Variants in PTPRN2 observed in about 807,000 individuals in gnomAD.
PTPRN2 encodes the protein protein tyrosine phosphatase receptor type N2.
PTPRN2 carries 74 observed loss-of-function variants against 118.8 expected under a neutral mutation model. The ratio of observed to expected loss-of-function variants is 0.62; its 90% confidence interval spans 0.52 to 0.76. The LOEUF is 0.76. PTPRN2 is among the 30% of genes least tolerant of loss of function. The probability of loss-of-function intolerance (pLI) is 0.00; values close to 1 mark genes in which losing one functional copy is unlikely to be tolerated. For missense variants in PTPRN2, 1,481 were observed against 1,394.4 expected, an observed-to-expected ratio of 1.06 and a Z score of -0.99; for synonymous variants, 641 against 608.0, an observed-to-expected ratio of 1.05 and a Z score of -0.80.
At chr7:157,755,471 T>G (rs1306314495) in intron 12 of PTPRN2, among the ~76,000 whole-genome samples, 1 of 151,044 alleles carries the variant, frequency 6.6e-6, no homozygotes, top group East Asian at 1.9e-4. Flanking sequence ...CACGGGGGGG[T>G]TTGAGAAGTT....
rs958548586 is a variant in PTPRN2 at position 158,563,684 on chromosome 7, G to A, written c.112+23874C>T. Reference sequence around the variant, plus strand: ...CTGCAGAGACTCACAGGCATGTGGCGTGGCAGTACATGAGCACTGATGTGT... The same window carrying A: ...CTGCAGAGACTCACAGGCATGTGGCATGGCAGTACATGAGCACTGATGTGT... On this transcript the variant is annotated intron_variant, in intron 1 of 22. Transcript: ENST00000389418. The surrounding 1 kb of genome is among the most constrained non-coding windows in gnomAD (Gnocchi z 5.1). Among the ~76,000 whole-genome samples, 5 of 152,362 alleles carry A rather than the reference G, an allele frequency of 3.3e-5. No homozygotes were observed. Among genetic ancestry groups the A allele is most frequent in the African/African-American group, 9.6e-5 (4 of 41,584 alleles).
At chr7:158,550,154 G>T (rs927086842) in intron 1 of PTPRN2, among the ~76,000 whole-genome samples, 30 of 152,214 alleles carry the variant, frequency 2.0e-4, no homozygotes. Context: ...CAGGCGTCGG[G>T]GTGGAGATTG....
At chr7:157,772,219 A>T (rs960277226) in intron 12 of PTPRN2, among the ~76,000 whole-genome samples, 1 of 151,866 alleles carries the variant, frequency 6.6e-6, no homozygotes, top group East Asian at 1.9e-4. Flanking sequence ...ACACACATAG[A>T]CACAGACACA....
intron 12 of PTPRN2, among the ~76,000 whole-genome samples, chr7:157,730,298 A>T (rs1341817741): frequency 6.6e-6 from 1 of 152,162 alleles, no homozygotes; most frequent in Non-Finnish European, 1.5e-5. Flanking sequence ...CTTCTACGCC[A>T]GACAAAGTAA....
intron 12 of PTPRN2, among the ~76,000 whole-genome samples, chr7:157,726,488 G>A (rs973821614): frequency 5.3e-5 from 8 of 152,260 alleles, no homozygotes; most frequent in East Asian, 1.9e-4. Context: ...GACTCACAGC[G>A]AATAGCAGAG....
At chr7:157,620,130 TGTGA>T (rs980119884) in intron 15 of PTPRN2, among the ~76,000 whole-genome samples, 18 of 152,216 alleles carry the variant, frequency 1.2e-4, no homozygotes, top group Non-Finnish European at 1.3e-4. Flanking sequence ...CACTCAACGT[TGTGA>T]GTATCTACTT....
Position 158,460,438 on chromosome 7 carries a change from T to C in PTPRN2, c.163+29297A>G, listed in dbSNP as rs552851451. On this transcript the variant is annotated intron_variant, in intron 2 of 22. Coordinates refer to ENST00000389418, the MANE Select transcript of PTPRN2 (RefSeq NM_002847.5). ...CATCCAGCTACAGGATGGGACTCTATCTACAAGTTCCTGCTAGAGGGTCTG... is the reference window on the plus strand; with the variant it reads ...CATCCAGCTACAGGATGGGACTCTACCTACAAGTTCCTGCTAGAGGGTCTG... Among the ~76,000 whole-genome samples, 137 of 150,152 alleles carry C rather than the reference T, an allele frequency of 9.1e-4. 1 individual carries two copies. Among genetic ancestry groups the C allele is most frequent in the Admixed American group, 4.9e-3 (74 of 15,132 alleles).
chr7:157,696,950 T>C (rs1159636654), intron 12 of PTPRN2, among the ~76,000 whole-genome samples: 1 of 114,392 alleles, frequency 8.7e-6, no homozygotes, highest in African/African-American at 3.3e-5. Context: ...GCATACTGGG[T>C]CTTGGCAGAG....
rs1563245333 is a variant in PTPRN2, at chr7:157,595,510, C to CGGAGGTTTGGAAGCCA, written c.2419-196_2419-195insTGGCTTCCAAACCTCC. 6.5e-4 allele frequency among the ~76,000 whole-genome samples: 70 copies of CGGAGGTTTGGAAGCCA among 107,622 alleles called. 2 individuals carry two copies. Among genetic ancestry groups the CGGAGGTTTGGAAGCCA allele is most frequent in the African/African-American group, 3.1e-3 (68 of 22,260 alleles). 70.6% of individuals were successfully genotyped at this position (107,622 alleles called of 152,430 possible). ...TAGGAAGCCTGGTGTTTAGGAAGCC[C>CGGAGGTTTGGAAGCCA]GGAGGTTAGGAAGCCAGAAGGTTAG... is the stretch of plus-strand genomic sequence containing the variant. On this transcript the variant is annotated intron_variant, in intron 16 of 22. Transcript: ENST00000389418.
In PTPRN2 at chr7:158,148,984, C is replaced by T. The variant is rs866723122; in HGVS notation, c.911-10469G>A. Among the ~76,000 whole-genome samples, 496 of 87,042 alleles carry T rather than the reference C, an allele frequency of 5.7e-3. 4 individuals are homozygous for T. Among genetic ancestry groups the T allele is most frequent in the African/African-American group, 0.01 (140 of 13,470 alleles). 57.1% of individuals were successfully genotyped at this position (87,042 alleles called of 152,430 possible). A position where few individuals can be genotyped will look rare whatever the true frequency, so the allele number is the denominator to read the frequency against. ...TCCCCTTCAATGACACCCCATCTCA[C>T]GCCACACATCTTTCCCCCTCAATGA... On this transcript the variant is annotated intron_variant, in intron 6 of 22. Transcript: ENST00000389418.
intron 2 of PTPRN2, among the ~76,000 whole-genome samples, chr7:158,382,787 A>G (rs1811059637): frequency 6.6e-6 from 1 of 152,212 alleles, no homozygotes; most frequent in South Asian, 2.1e-4. Context: ...GCAAACACAG[A>G]TTAACATGAA....
intron 1 of PTPRN2, among the ~76,000 whole-genome samples, chr7:158,490,347 C>G (rs980565977): frequency 6.6e-6 from 1 of 152,212 alleles, no homozygotes; most frequent in African/African-American, 2.4e-5. Context: ...CGAAGACGGG[C>G]AGGAAAGGCC....
intron 6 of PTPRN2, among the ~76,000 whole-genome samples, chr7:158,143,065 A>C (rs1486574110): frequency 6.6e-6 from 1 of 152,004 alleles, no homozygotes; most frequent in Non-Finnish European, 1.5e-5. Flanking sequence ...CATTCACTGC[A>C]GTCTCCTCCC....
intron 12 of PTPRN2, among the ~76,000 whole-genome samples, chr7:157,789,425 G>A (rs1231322112): frequency 6.6e-6 from 1 of 152,220 alleles, no homozygotes; most frequent in African/African-American, 2.4e-5. Flanking sequence ...AGAGAGACTG[G>A]GTTTCGGGCT....
Position 158,262,195 on chromosome 7 carries a change from G to A in PTPRN2, c.277+54624C>T, listed in dbSNP as rs530221141. On this transcript the variant is annotated intron_variant, in intron 3 of 22. Coordinates refer to ENST00000389418, the MANE Select transcript of PTPRN2 (RefSeq NM_002847.5). ...TCCTGCCTCCCTCCCCTGCTTTCCT[G>A]ATGTAAACACAGACACAAGCATACA... Among the ~76,000 whole-genome samples, 68 of 152,276 alleles carry A rather than the reference G, an allele frequency of 4.5e-4. 1 individual carries two copies. Among genetic ancestry groups the A allele is most frequent in the African/African-American group, 1.2e-3 (49 of 41,534 alleles).
chr7:158,283,701 C>G (rs534293569), intron 3 of PTPRN2, among the ~76,000 whole-genome samples: 3 of 152,170 alleles, frequency 2.0e-5, no homozygotes, highest in Non-Finnish European at 4.4e-5. Flanking sequence ...CTAGTGGACA[C>G]GCCCATGCAG....
At chr7:157,722,401 G>C (rs550363187) in intron 12 of PTPRN2, among the ~76,000 whole-genome samples, 1 of 152,252 alleles carries the variant, frequency 6.6e-6, no homozygotes, top group Non-Finnish European at 1.5e-5. Context: ...GCCAGGGGCA[G>C]GGCGGGGGTG....
At position 158,192,428 on chromosome 7, in the gene PTPRN2, C is replaced by T. The variant is rs759890478; in HGVS notation, c.448G>A (p.Ala150Thr). 1.6e-5 allele frequency: 25 copies of T among 1,548,296 alleles called. No individual in the cohort carries two copies. The highest frequency in any genetic ancestry group is 6.9e-5 in the Admixed American group (3 of 43,638). The change falls in exon 5 of 23, where the codon GCC becomes ACC. Residue 150 changes from alanine (A) to threonine (T), a missense_variant. By Grantham distance (58) the Ala-to-Thr change is moderately conservative. This residue lies in a region of PTPRN2 where 1,115 missense variants were observed against 994.2 expected (regional missense o/e 1.12). Coordinates refer to ENST00000389418, the MANE Select transcript of PTPRN2 (RefSeq NM_002847.5). ...AGGAAGGGCAGGTGGCGTCGGAGGG[C>T]GTTGGCCAGGGCAGCACCGCCCTCC... ...SREGGAALANALRRHLPFLEA... is the reference protein window; with the variant it reads ...SREGGAALANTLRRHLPFLEA...
At chr7:158,151,098 C>G (rs1220929355) in intron 6 of PTPRN2, among the ~76,000 whole-genome samples, 1 of 56,594 alleles carries the variant, frequency 1.8e-5, no homozygotes, top group African/African-American at 6.2e-5. Context: ...CCCAAACCGC[C>G]CGCCTTTCTG....
Sources: gnomAD v4.1 joint callset for allele counts (sites outside exome capture counted in the v4.1 genomes callset) on GRCh38, gnomAD v4.1.1 for gene constraint, gnomAD v4.1.1 regional missense constraint, Gnocchi (gnomAD v3.1) non-coding constraint, MANE v1.5 for transcripts, NCBI Gene and HGNC (gene_info 2026-07-23, HGNC 2026-07-21) for gene names.